The following CDH13 variants were observed in gnomAD, a reference collection of about 807,000 sequenced individuals.
CDH13 encodes cadherin-13.
In CDH13, 24 loss-of-function variants were observed where a neutral mutation model predicts 63.8. That is an observed-to-expected ratio of 0.38 (90% confidence interval 0.27 to 0.53). The LOEUF (loss-of-function observed/expected upper bound fraction) is 0.53, where lower values mean the gene tolerates loss of function less well. Ranked by LOEUF, CDH13 falls within the 20% of genes least tolerant of loss-of-function variation. The probability of loss-of-function intolerance (pLI) is 0.85; values close to 1 mark genes in which losing one functional copy is unlikely to be tolerated. For missense variants in CDH13, 1,049 were observed against 903.1 expected, an observed-to-expected ratio of 1.16 and a Z score of -2.07; for synonymous variants, 503 against 355.3, an observed-to-expected ratio of 1.42 and a Z score of -4.67.
At chr16:83,578,654 A>G (rs1026840492) in intron 7 of CDH13, among the ~76,000 whole-genome samples, 4 of 152,214 alleles carry the variant, frequency 2.6e-5, no homozygotes, top group Non-Finnish European at 4.4e-5. Flanking sequence ...CATGCCCAGC[A>G]GTGCCCTTGC....
At chr16:83,522,190 C>T (rs1381567093) in intron 7 of CDH13, among the ~76,000 whole-genome samples, 1 of 152,204 alleles carries the variant, frequency 6.6e-6, no homozygotes, top group African/African-American at 2.4e-5. Context: ...TTAATGCCTG[C>T]TCTGCTGCAG....
At chr16:82,849,088 G>A (rs1567597826) in intron 1 of CDH13, among the ~76,000 whole-genome samples, 1 of 152,182 alleles carries the variant, frequency 6.6e-6, no homozygotes, top group Non-Finnish European at 1.5e-5. Context: ...TCCTGAGCAA[G>A]GCCTTAACTC....
chr16:82,855,049 G>T (rs1016053030), intron 1 of CDH13, among the ~76,000 whole-genome samples: 3 of 152,188 alleles, frequency 2.0e-5, no homozygotes, highest in African/African-American at 7.2e-5. Flanking sequence ...GGAGGGTACT[G>T]TGTACCTTTA....
chr16:83,228,306 G>C (rs1204725079), intron 5 of CDH13, among the ~76,000 whole-genome samples: 5 of 152,208 alleles, frequency 3.3e-5, no homozygotes, highest in South Asian at 4.1e-4. Flanking sequence ...CACGTCCGCA[G>C]GGCCGTGCTC....
intron 2 of CDH13, among the ~76,000 whole-genome samples, chr16:82,983,142 A>T (rs1392217824): frequency 6.6e-6 from 1 of 152,166 alleles, no homozygotes; most frequent in Non-Finnish European, 1.5e-5. Context: ...GTTTCTGGGA[A>T]TCTTCAAACT....
intron 3 of CDH13, among the ~76,000 whole-genome samples, chr16:83,093,955 A>G (rs2034058552): frequency 6.6e-6 from 1 of 152,224 alleles, no homozygotes; most frequent in Non-Finnish European, 1.5e-5. Flanking sequence ...AATAGCCTGG[A>G]GAGAAGAGTT....
chr16:82,796,417 C>G (rs2036584045), intron 1 of CDH13, among the ~76,000 whole-genome samples: 1 of 152,210 alleles, frequency 6.6e-6, no homozygotes, highest in African/African-American at 2.4e-5. Context: ...TTTTATGGAA[C>G]TACCAGATAC....
chr16:83,437,676 C>CA (rs915881167), intron 6 of CDH13, among the ~76,000 whole-genome samples: 4 of 151,378 alleles, frequency 2.6e-5, no homozygotes, highest in African/African-American at 4.9e-5. Flanking sequence ...GATCCTGTTC[C>CA]AAAAAAATTA....
chr16:82,634,265 C>G (rs1036396670), intron 1 of CDH13, among the ~76,000 whole-genome samples: 2 of 152,238 alleles, frequency 1.3e-5, no homozygotes, highest in East Asian at 3.9e-4. Flanking sequence ...ACGGGGCCTT[C>G]AGGCCAATGT....
intron 2 of CDH13, among the ~76,000 whole-genome samples, chr16:82,933,692 C>G (rs1231044061): frequency 6.6e-6 from 1 of 152,170 alleles, no homozygotes; most frequent in African/African-American, 2.4e-5. Context: ...TAGGTACTTC[C>G]TAGATACAAT....
intron 2 of CDH13, among the ~76,000 whole-genome samples, chr16:82,879,820 AAT>A (rs1301510548): frequency 8.1e-6 from 1 of 123,948 alleles, no homozygotes; most frequent in Non-Finnish European, 1.6e-5. Flanking sequence ...ATAATTTATA[AAT>A]ATATATAAAT....
At chr16:83,115,965 G>A (rs999749384) in intron 3 of CDH13, among the ~76,000 whole-genome samples, 21 of 152,196 alleles carry the variant, frequency 1.4e-4, no homozygotes, top group African/African-American at 4.1e-4. Context: ...TGGCCAGCCC[G>A]GGTCAAGCTG....
At chr16:83,025,506 T>C (rs534561488) in intron 2 of CDH13, among the ~76,000 whole-genome samples, 1 of 152,212 alleles carries the variant, frequency 6.6e-6, no homozygotes, top group African/African-American at 2.4e-5. Flanking sequence ...GAACTCACTG[T>C]CACAAGAATA....
At chr16:83,443,722 AAAAAAAAAAAAAAATATATAT>A (rs2072560553) in intron 6 of CDH13, among the ~76,000 whole-genome samples, 2 of 80,114 alleles carry the variant, frequency 2.5e-5, no homozygotes, top group African/African-American at 6.7e-5. Context: ...AAAAAAAAAA[AAAAAAAAAAAAAAATATATAT>A]ATATATATAT....
intron 2 of CDH13, among the ~76,000 whole-genome samples, chr16:82,920,690 C>G (rs1435463670): frequency 4.6e-5 from 7 of 152,182 alleles, no homozygotes. Flanking sequence ...ATCTTATATT[C>G]TCTCTCACAC....
intron 3 of CDH13, among the ~76,000 whole-genome samples, chr16:83,089,946 G>T (rs1597315329): frequency 6.6e-6 from 1 of 152,248 alleles, no homozygotes; most frequent in Non-Finnish European, 1.5e-5. Flanking sequence ...ACCATACTTT[G>T]CATAGCAAGA....
intron 2 of CDH13, among the ~76,000 whole-genome samples, chr16:82,929,523 G>A (rs2042410216): frequency 6.6e-6 from 1 of 151,346 alleles, no homozygotes; most frequent in South Asian, 2.1e-4. Flanking sequence ...ATGGTAGTGG[G>A]CGCCTGTAGT....
chr16:83,505,279 T>A (rs2074369266), intron 7 of CDH13, among the ~76,000 whole-genome samples: 3 of 152,204 alleles, frequency 2.0e-5, no homozygotes, highest in South Asian at 4.1e-4. Flanking sequence ...GGCGTTAGCC[T>A]ACAACGAAGG....
At chr16:83,304,333 G>GA (rs2089824209) in intron 5 of CDH13, among the ~76,000 whole-genome samples, 1 of 152,090 alleles carries the variant, frequency 6.6e-6, no homozygotes, top group African/African-American at 2.4e-5. Context: ...GGAATCTTGG[G>GA]AAAAAAGACT....
Sources: allele counts gnomAD v4.1 joint callset (sites outside exome capture counted in the v4.1 genomes callset), GRCh38; gene constraint gnomAD v4.1.1; transcripts MANE v1.5; gene names NCBI Gene and HGNC (gene_info 2026-07-23, HGNC 2026-07-21).